Variants in FNIP2 observed in about 807,000 individuals in gnomAD.
The protein encoded by FNIP2 is folliculin-interacting protein 2.
FNIP2 carries 32 observed loss-of-function variants against 108.7 expected under a neutral mutation model. That is an observed-to-expected ratio of 0.29 (90% CI 0.22 to 0.40). The LOEUF is 0.40. Among genes scored for constraint, FNIP2 ranks in the 10% least tolerant of loss-of-function variants. The pLI is 1.00. For missense variants in FNIP2, 1,202 were observed against 1,381.6 expected, an observed-to-expected ratio of 0.87 and a Z score of 2.06; for synonymous variants, 480 against 496.7, an observed-to-expected ratio of 0.97 and a Z score of 0.45.
intron 7 of FNIP2, 58 bp downstream of exon 7, chr4:158,835,534 G>A: frequency 6.6e-7 from 1 of 1,514,878 alleles, no homozygotes; most frequent in Admixed American, 1.7e-5. Flanking sequence ...CAGTGGTGTG[G>A]AAGGTGGGAA....
intron 1 of FNIP2, among the ~76,000 whole-genome samples, chr4:158,796,473 G>T (rs1451675338): frequency 1.3e-5 from 2 of 152,168 alleles, no homozygotes; most frequent in East Asian, 1.9e-4. Context: ...AGCTTCCAGA[G>T]AATTGGCTAT....
intron 1 of FNIP2, among the ~76,000 whole-genome samples, chr4:158,775,112 T>A (rs1436964807): frequency 6.6e-6 from 1 of 152,234 alleles, no homozygotes; most frequent in Admixed American, 6.5e-5. Context: ...CTGTAAAAGA[T>A]TGTCCTTGCC....
chr4:158,895,365 G>C (rs1292101384), intron 15 of FNIP2, among the ~76,000 whole-genome samples: 1 of 152,116 alleles, frequency 6.6e-6, no homozygotes, highest in African/African-American at 2.4e-5. Context: ...ATGTGGTTAC[G>C]TGTAAATTCA....
intron 14 of FNIP2, chr4:158,889,909 AAAGAGAAGTC>A: frequency 1.0e-6 from 1 of 985,380 alleles, no homozygotes; most frequent in Non-Finnish European, 1.2e-6. Context: ...AGGAGCTTGT[AAAGAGAAGTC>A]ACTGAAGCCT....
intron 14 of FNIP2, among the ~76,000 whole-genome samples, chr4:158,875,656 A>G (rs928421737): frequency 2.0e-5 from 3 of 151,832 alleles, no homozygotes; most frequent in Admixed American, 1.3e-4. Context: ...AACATTAAAT[A>G]CCTCAGGTCA....
chr4:158,892,419 T>C (rs1782339302), intron 15 of FNIP2, among the ~76,000 whole-genome samples: 1 of 152,158 alleles, frequency 6.6e-6, no homozygotes, highest in Admixed American at 6.5e-5. Context: ...TTCGTAACAA[T>C]ACTTTAAATA....
At chr4:158,805,153 G>A (rs1279249167) in intron 1 of FNIP2, among the ~76,000 whole-genome samples, 2 of 152,176 alleles carry the variant, frequency 1.3e-5, no homozygotes, top group East Asian at 3.9e-4. Flanking sequence ...GTACAAAGGT[G>A]CATTTAAAAA....
chr4:158,786,913 G>A (rs1776242394), intron 1 of FNIP2, among the ~76,000 whole-genome samples: 1 of 152,128 alleles, frequency 6.6e-6, no homozygotes, highest in Non-Finnish European at 1.5e-5. Flanking sequence ...CTTAGCAGGG[G>A]TGGGGATAGG....
At chr4:158,834,331 C>CTCTCTCTCTCTCTCTCTCTCTCTCT (rs1553959318) in intron 6 of FNIP2, 1 of 36,818 alleles carries the variant, frequency 2.7e-5, no homozygotes, top group African/African-American at 1.1e-4. Flanking sequence ...TCTCTCTCTC[C>CTCTCTCTCTCTCTCTCTCTCTCTCT]CTCTCTAAGT....
chr4:158,888,457 C>T (rs1356515934), intron 14 of FNIP2, among the ~76,000 whole-genome samples: 2 of 152,192 alleles, frequency 1.3e-5, no homozygotes, highest in African/African-American at 4.8e-5. Flanking sequence ...AGCTCCTGTG[C>T]TAGAGGCTAA....
intron 15 of FNIP2, among the ~76,000 whole-genome samples, chr4:158,894,376 T>G (rs959947238): frequency 3.3e-5 from 5 of 152,062 alleles, no homozygotes; most frequent in African/African-American, 1.2e-4. Context: ...CTCACTATGT[T>G]GCCTAGGTTG....
chr4:158,882,262 C>T (rs569424529), intron 14 of FNIP2, among the ~76,000 whole-genome samples: 50 of 148,216 alleles, frequency 3.4e-4, no homozygotes, highest in South Asian at 4.3e-4. Context: ...GGAGCCCCTC[C>T]GCCTGGCAGC....
chr4:158,796,109 T>C (rs1309958498), intron 1 of FNIP2: 1 of 152,076 alleles, frequency 6.6e-6, no homozygotes, highest in Non-Finnish European at 1.5e-5. Context: ...TCAGAGGCAT[T>C]GTTTATAGAG....
intron 14 of FNIP2, among the ~76,000 whole-genome samples, chr4:158,871,164 G>T (rs937697987): frequency 1.3e-5 from 2 of 152,184 alleles, no homozygotes; most frequent in African/African-American, 4.8e-5. Context: ...AAGTCTCACT[G>T]AAAAAATTGC....
chr4:158,849,997 T>C (rs1410618920), intron 7 of FNIP2, among the ~76,000 whole-genome samples: 1 of 152,196 alleles, frequency 6.6e-6, no homozygotes, highest in African/African-American at 2.4e-5. Context: ...ATCATGTTCA[T>C]TGATACTATT....
chr4:158,906,277 G>A lies in FNIP2; in HGVS notation c.*1733G>A, dbSNP rs753110581. On this transcript the variant is annotated 3_prime_UTR_variant, in exon 17 of 17. Coordinates refer to ENST00000264433, the MANE Select transcript of FNIP2 (RefSeq NM_020840.3). ...TCACCCCACATCCGTTTCTCATTACGTGTAAATAAACTGTCAGAGCTGATG... is the reference window on the plus strand; with the variant it reads ...TCACCCCACATCCGTTTCTCATTACATGTAAATAAACTGTCAGAGCTGATG... 6.6e-5 allele frequency: 10 copies of A among 152,130 alleles called. No individual in the cohort carries two copies. Among genetic ancestry groups the A allele is most frequent in the African/African-American group, 1.2e-4 (5 of 41,424 alleles). The allele number at this position is 152,130 out of a possible 1,614,324, so 9.4% of individuals were successfully genotyped here.
chr4:158,884,075 C>T (rs1042335357), intron 14 of FNIP2, among the ~76,000 whole-genome samples: 3 of 150,206 alleles, frequency 2.0e-5, no homozygotes, highest in Non-Finnish European at 2.9e-5. Context: ...TATGCAAGAA[C>T]GGCATTTCCT....
rs1457992575 is a variant in FNIP2 at position 158,868,958 on chromosome 4, G to A, written c.2322G>A (p.Glu774=). The A allele has an allele frequency of 6.8e-6, 11 of 1,613,884 alleles. No individual in the cohort carries two copies. Among genetic ancestry groups the A allele is most frequent in the Non-Finnish European group, 8.5e-6 (10 of 1,179,916 alleles). ...GCCCTTTTAAACCTGGCTTTCAGGA[G>A]AATGTTTGCTGTCCTCAGAATCGGC... ...SRSPFKPGFQ[E]NVCCPQNRLS... Residue 774 remains glutamate, a synonymous_variant, in exon 13 of 17, where the codon GAG becomes GAA. Coordinates refer to ENST00000264433, the MANE Select transcript of FNIP2 (RefSeq NM_020840.3). This position sits in a 1 kb window ranked among gnomAD's most constrained non-coding sequence, Gnocchi z 4.6.
chr4:158,783,907 A>G (rs1030145083), intron 1 of FNIP2, among the ~76,000 whole-genome samples: 6 of 152,204 alleles, frequency 3.9e-5, no homozygotes, highest in African/African-American at 1.4e-4. Flanking sequence ...CCTAACCGGT[A>G]TGGATGGAGG....
Sources: gnomAD v4.1 joint callset for allele counts (sites outside exome capture counted in the v4.1 genomes callset) on GRCh38, gnomAD v4.1.1 for gene constraint, Gnocchi (gnomAD v3.1) non-coding constraint, MANE v1.5 for transcripts, NCBI Gene and HGNC (gene_info 2026-07-23, HGNC 2026-07-21) for gene names.